PARD6G: variants seen among roughly 807,000 people sequenced by gnomAD.
PARD6G encodes partitioning defective 6 homolog gamma.
In PARD6G, 7 loss-of-function variants were observed where a neutral mutation model predicts 10.7. The observed-to-expected ratio is 0.66, with a 90% CI of 0.37 to 1.23. PARD6G has a LOEUF of 1.23. Among genes scored for constraint, PARD6G ranks in the 50% most tolerant of loss-of-function variants. The pLI is 0.02. For synonymous variants in PARD6G, 287 were observed against 269.4 expected (o/e 1.07, Z -0.64); for missense variants, 548 against 571.8 (o/e 0.96, Z 0.42).
intron 2 of PARD6G, among the ~76,000 whole-genome samples, chr18:80,174,458 G>A (rs1282575425): frequency 1.3e-5 from 2 of 151,650 alleles, no homozygotes; most frequent in Middle Eastern, 3.4e-3. Context: ...ATGAACCACC[G>A]CACCTGCCCA....
intron 1 of PARD6G, among the ~76,000 whole-genome samples, chr18:80,239,213 G>A (rs898230375): frequency 3.9e-5 from 6 of 151,982 alleles, no homozygotes; most frequent in African/African-American, 1.4e-4. Flanking sequence ...GGAGCAGCAG[G>A]GAGAAGAGGG....
At chr18:80,230,993 G>A (rs1035140886) in intron 1 of PARD6G, among the ~76,000 whole-genome samples, 1 of 152,186 alleles carries the variant, frequency 6.6e-6, no homozygotes, top group Non-Finnish European at 1.5e-5. Flanking sequence ...ATTCAAAAAG[G>A]GAATTTGGAA....
chr18:80,224,707 C>T (rs570613016), intron 1 of PARD6G, among the ~76,000 whole-genome samples: 85 of 152,160 alleles, frequency 5.6e-4, no homozygotes, highest in African/African-American at 1.8e-3. Flanking sequence ...ATTAGCCGGG[C>T]GTGATGGCGG....
At chr18:80,195,838 G>A (rs1282830095) in intron 2 of PARD6G, among the ~76,000 whole-genome samples, 2 of 149,848 alleles carry the variant, frequency 1.3e-5, no homozygotes, top group Non-Finnish European at 3.0e-5. Flanking sequence ...TGGCACCAGT[G>A]CACTCCAGCC....
chr18:80,186,070 G>A (rs1171448117), intron 2 of PARD6G, among the ~76,000 whole-genome samples: 2 of 98,164 alleles, frequency 2.0e-5, no homozygotes, highest in Non-Finnish European at 4.0e-5. Flanking sequence ...ACCCACACAG[G>A]CACCCTCACA....
At chr18:80,236,886 G>C (rs1439065870) in intron 1 of PARD6G, among the ~76,000 whole-genome samples, 1 of 152,236 alleles carries the variant, frequency 6.6e-6, no homozygotes, top group South Asian at 2.1e-4. Flanking sequence ...CATGCTCATG[G>C]GTAGGAAGAA....
chr18:80,166,459 C>T (rs2052737022), intron 2 of PARD6G, among the ~76,000 whole-genome samples: 1 of 151,024 alleles, frequency 6.6e-6, no homozygotes, highest in African/African-American at 2.4e-5. Flanking sequence ...CGCCTTGTCT[C>T]AGTGGAAAAT....
intron 2 of PARD6G, chr18:80,162,047 G>A (rs2052704130): frequency 6.6e-6 from 1 of 152,280 alleles, no homozygotes; most frequent in Non-Finnish European, 1.5e-5. Context: ...TAGACAACGA[G>A]AAGGCCCTAG....
intron 1 of PARD6G, among the ~76,000 whole-genome samples, chr18:80,215,590 G>A (rs1481000496): frequency 6.6e-6 from 1 of 152,030 alleles, no homozygotes. Flanking sequence ...AAATTAAGAT[G>A]TTAACTGAAA....
At chr18:80,194,590 C>T (rs369271988) in intron 2 of PARD6G, among the ~76,000 whole-genome samples, 4 of 152,012 alleles carry the variant, frequency 2.6e-5, no homozygotes, top group South Asian at 4.2e-4. Flanking sequence ...TGGACATTCA[C>T]CCCCCCGAGA....
intron 1 of PARD6G, among the ~76,000 whole-genome samples, chr18:80,234,186 C>T (rs776690300): frequency 3.3e-5 from 5 of 152,136 alleles, no homozygotes; most frequent in Non-Finnish European, 7.4e-5. Flanking sequence ...CCCAGCACAG[C>T]GATGTCCTGG....
chr18:80,180,362 G>T lies in PARD6G; in HGVS notation c.296-19756C>A, dbSNP rs1272180804. 6.6e-6 allele frequency among the ~76,000 whole-genome samples: 1 copy of T among 152,168 alleles called. No homozygotes were observed. Among genetic ancestry groups the T allele is most frequent in the Non-Finnish European group, 1.5e-5 (1 of 68,008 alleles). ...GCAGGTGAGGACACGCAGCTGGGAG[G>T]GGCGCAGCCGGCAGCACCTGGGAAT... On this transcript the variant is annotated intron_variant, in intron 2 of 2. Transcript: ENST00000353265. This position sits in a 1 kb window ranked among gnomAD's most constrained non-coding sequence, Gnocchi z 5.6.
chr18:80,234,868 G>A (rs1967401556), intron 1 of PARD6G, among the ~76,000 whole-genome samples: 1 of 152,124 alleles, frequency 6.6e-6, no homozygotes, highest in South Asian at 2.1e-4. Context: ...CAAGTCCTTA[G>A]AGACCTATAA....
chr18:80,159,412 T>G lies in PARD6G; in HGVS notation c.*359A>C. 3 of 185,314 alleles carry G rather than the reference T, an allele frequency of 1.6e-5. No homozygotes were observed. Among genetic ancestry groups the G allele is most frequent in the Non-Finnish European group, 2.2e-5 (2 of 90,540 alleles). The allele number at this position is 185,314 out of a possible 1,614,324, so 11.5% of individuals were successfully genotyped here. ...GCATGGGCCAACTTACTTAAAAACATGAATTTGACTATTTTAAAAAAGTAA... is the reference window on the plus strand; with the variant it reads ...GCATGGGCCAACTTACTTAAAAACAGGAATTTGACTATTTTAAAAAAGTAA... On this transcript the variant is annotated 3_prime_UTR_variant, in exon 3 of 3. Coordinates refer to ENST00000353265, the MANE Select transcript of PARD6G (RefSeq NM_032510.4).
In PARD6G at chr18:80,159,415, A is replaced by C. The variant is rs2052678731; in HGVS notation, c.*356T>G. On this transcript the variant is annotated 3_prime_UTR_variant, in exon 3 of 3. Coordinates refer to ENST00000353265, the MANE Select transcript of PARD6G (RefSeq NM_032510.4). ...TGGGCCAACTTACTTAAAAACATGA[A>C]TTTGACTATTTTAAAAAAGTAATTT... The C allele has an allele frequency of 5.2e-6, 1 of 191,264 alleles. No individual in the cohort carries two copies. Among genetic ancestry groups the C allele is most frequent in the Non-Finnish European group, 1.1e-5 (1 of 94,420 alleles). The allele number at this position is 191,264 out of a possible 1,614,324, so 11.8% of individuals were successfully genotyped here. A position where few individuals can be genotyped will look rare whatever the true frequency, so the allele number is the denominator to read the frequency against.
chr18:80,196,618 C>T (rs557922130), intron 2 of PARD6G, among the ~76,000 whole-genome samples: 6 of 152,310 alleles, frequency 3.9e-5, no homozygotes, highest in African/African-American at 1.2e-4. Flanking sequence ...ATCTGTTTCC[C>T]TCTCTGTTCC....
intron 1 of PARD6G, 116 bp from the exon 2 acceptor site, chr18:80,203,048 T>G (rs537083733): frequency 6.1e-5 from 42 of 686,678 alleles, no homozygotes; most frequent in Non-Finnish European, 1.0e-4. Context: ...CACATTTTCT[T>G]TAATCAATCA....
chr18:80,247,408 C>G lies in PARD6G; in HGVS notation c.-60G>C. On this transcript the variant is annotated 5_prime_UTR_variant, in exon 1 of 3. Transcript: ENST00000353265. This position sits in a 1 kb window ranked among gnomAD's most constrained non-coding sequence, Gnocchi z 4.2. ...GCTCCTCAGGGGCCGCAGAAAGACT[C>G]CCGGGGGCGGCGCCCCCAGGCCCCG... is the stretch of plus-strand genomic sequence containing the variant. 1 of 1,409,876 alleles carries G rather than the reference C, an allele frequency of 7.1e-7. No individual in the cohort carries two copies. Among genetic ancestry groups the G allele is most frequent in the Non-Finnish European group, 9.5e-7 (1 of 1,049,342 alleles). The allele number at this position is 1,409,876 out of a possible 1,614,324, so 87.3% of individuals were successfully genotyped here. A position where few individuals can be genotyped will look rare whatever the true frequency, so the allele number is the denominator to read the frequency against.
chr18:80,216,988 G>C (rs1430290018), intron 1 of PARD6G, among the ~76,000 whole-genome samples: 1 of 152,162 alleles, frequency 6.6e-6, no homozygotes, highest in Non-Finnish European at 1.5e-5. Flanking sequence ...ATCACACCTA[G>C]CATGCAAGGA....
Sources: gnomAD v4.1 joint callset for allele counts (sites outside exome capture counted in the v4.1 genomes callset) on GRCh38, gnomAD v4.1.1 for gene constraint, Gnocchi (gnomAD v3.1) non-coding constraint, MANE v1.5 for transcripts, NCBI Gene and HGNC (gene_info 2026-07-23, HGNC 2026-07-21) for gene names.